NRP1: variants seen among roughly 807,000 people sequenced by gnomAD.
The protein encoded by NRP1 is neuropilin-1.
NRP1 carries 35 observed loss-of-function variants against 106.7 expected under a neutral mutation model. That is an observed-to-expected ratio of 0.33 (90% CI 0.25 to 0.43). The LOEUF (loss-of-function observed/expected upper bound fraction) is 0.43, where lower values mean the gene tolerates loss of function less well. Ranked by LOEUF, NRP1 falls within the 20% of genes least tolerant of loss-of-function variation. The probability of loss-of-function intolerance (pLI) is 1.00; values close to 1 mark genes in which losing one functional copy is unlikely to be tolerated. For synonymous variants in NRP1, 437 were observed against 417.9 expected (o/e 1.05, Z -0.56); for missense variants, 1,024 against 1,170.4 (o/e 0.87, Z 1.83).
In NRP1 at chr10:33,199,390, T is replaced by TATATATATATATATA. The variant is rs57198890; in HGVS notation, c.1865-1682_1865-1681insTATATATATATATAT. The stretch of plus-strand genomic sequence containing the variant: ...TTCTATATATATATATATATATATA[T>TATATATATATATATA]TTTTTTTTTTTTTTTTTTTTTTTTT... On this transcript the variant is annotated intron_variant, in intron 11 of 16. Transcript: ENST00000374867. Among the ~76,000 whole-genome samples the TATATATATATATATA allele has an allele frequency of 2.6e-4, 8 of 30,730 alleles. 1 individual carries two copies. Among genetic ancestry groups the TATATATATATATATA allele is most frequent in the East Asian group, 1.5e-3 (1 of 654 alleles). The allele number at this position is 30,730 out of a possible 152,430, so 20.2% of individuals were successfully genotyped here.
At chr10:33,271,000 G>C in intron 2 of NRP1, 144 bp from the exon 3 acceptor site, 1 of 585,194 alleles carries the variant, frequency 1.7e-6, no homozygotes. Context: ...TTAAATGGAG[G>C]GAAAAAAAAG....
chr10:33,306,778 T>C (rs1353199746), intron 2 of NRP1, among the ~76,000 whole-genome samples: 1 of 152,248 alleles, frequency 6.6e-6, no homozygotes, highest in East Asian at 1.9e-4. Flanking sequence ...CAGATGACTC[T>C]TTCCTTGCAG....
chr10:33,276,229 T>G (rs1444305876), intron 2 of NRP1, among the ~76,000 whole-genome samples: 2 of 152,172 alleles, frequency 1.3e-5, no homozygotes, highest in African/African-American at 2.4e-5. Context: ...AATAAACAAA[T>G]CAATACCTGT....
intron 10 of NRP1, chr10:33,205,572 T>C (rs1366587154): frequency 1.3e-5 from 2 of 152,340 alleles, no homozygotes; most frequent in Admixed American, 6.5e-5. Flanking sequence ...GGGCAGGTGC[T>C]CATTGGTCAG....
chr10:33,330,890 G>GA lies in NRP1; in HGVS notation c.74-9dup. 6.3e-7 allele frequency: 1 copy of GA among 1,594,228 alleles called. No homozygotes were observed. Among genetic ancestry groups the GA allele is most frequent in the Non-Finnish European group, 8.6e-7 (1 of 1,167,188 alleles). On this transcript the variant is annotated splice_polypyrimidine_tract_variant and intron_variant, in intron 1 of 16. Coordinates refer to ENST00000374867, the MANE Select transcript of NRP1 (RefSeq NM_003873.7). Reference sequence around the variant, plus strand: ...TAGTATCGCCACATTTATCTGCAATGAAAGTAAGATTTTAGCAGATCTTTC... The same window carrying GA: ...TAGTATCGCCACATTTATCTGCAATGAAAAGTAAGATTTTAGCAGATCTTTC...
intron 8 of NRP1, among the ~76,000 whole-genome samples, chr10:33,214,767 T>G (rs184372765): frequency 1.3e-5 from 2 of 152,302 alleles, no homozygotes; most frequent in East Asian, 3.9e-4. Context: ...TCAGTCAGAT[T>G]CGTAGAGACA....
chr10:33,215,059 G>A (rs1019051512), intron 8 of NRP1, among the ~76,000 whole-genome samples: 5 of 152,170 alleles, frequency 3.3e-5, no homozygotes, highest in African/African-American at 1.2e-4. Flanking sequence ...TTTTGAAAAT[G>A]TACCATGGTT....
chr10:33,207,615 G>A lies in NRP1; in HGVS notation c.1716C>T (p.Gly572=), dbSNP rs543705855. ...GCAGCTCCATTCTGAGCCCCAGTCCGCCATGAGTGGCTCTCTCGGGGTAGA... is the reference window on the plus strand; with the variant it reads ...GCAGCTCCATTCTGAGCCCCAGTCCACCATGAGTGGCTCTCTCGGGGTAGA... ...IRIYPERATH[G]GLGLRMELLG... Residue 572 remains glycine, a synonymous_variant, in exon 10 of 17, where the codon GGC becomes GGT. Transcript: ENST00000374867. The A allele has an allele frequency of 6.8e-6, 11 of 1,614,144 alleles. No homozygotes were observed. The highest frequency in any genetic ancestry group is 3.3e-5 in the South Asian group (3 of 91,066).
At chr10:33,278,455 G>C (rs928237043) in intron 2 of NRP1, among the ~76,000 whole-genome samples, 1 of 152,136 alleles carries the variant, frequency 6.6e-6, no homozygotes, top group East Asian at 1.9e-4. Context: ...AGTGGCTGCT[G>C]GATGTACTTA....
chr10:33,190,097 T>C (rs1836305019), intron 13 of NRP1, among the ~76,000 whole-genome samples: 1 of 152,244 alleles, frequency 6.6e-6, no homozygotes, highest in Non-Finnish European at 1.5e-5. Flanking sequence ...TCTCTGATAC[T>C]CTAACACATA....
At chr10:33,272,522 G>A (rs1843379994) in intron 2 of NRP1, among the ~76,000 whole-genome samples, 1 of 151,842 alleles carries the variant, frequency 6.6e-6, no homozygotes, top group Non-Finnish European at 1.5e-5. Flanking sequence ...GAGGAGGGGA[G>A]GCAAGGAGGA....
Position 33,322,403 on chromosome 10 carries a change from A to C in NRP1, c.248+8305T>G, listed in dbSNP as rs188309526. 6.8e-3 allele frequency among the ~76,000 whole-genome samples: 1,034 copies of C among 152,226 alleles called. 17 individuals are homozygous for C. The highest frequency in any genetic ancestry group is 6.6e-3 in the Non-Finnish European group (448 of 68,014). On this transcript the variant is annotated intron_variant, in intron 2 of 16. Coordinates refer to ENST00000374867, the MANE Select transcript of NRP1 (RefSeq NM_003873.7). The stretch of plus-strand genomic sequence containing the variant: ...TGTTTTTTTAAAAACTGAAGGATAG[A>C]GTCTCGCTCTATTGCCGAAGCTGGA...
chr10:33,222,089 G>A (rs997657103), intron 7 of NRP1, among the ~76,000 whole-genome samples: 2 of 151,896 alleles, frequency 1.3e-5, no homozygotes, highest in African/African-American at 4.8e-5. Flanking sequence ...AGAGGCTAGA[G>A]TCTTTAAAAG....
At chr10:33,260,565 A>T (rs1842503101) in intron 4 of NRP1, among the ~76,000 whole-genome samples, 1 of 152,114 alleles carries the variant, frequency 6.6e-6, no homozygotes, top group South Asian at 2.1e-4. Context: ...TTCAGGCCCC[A>T]TCATCCAGCA....
At chr10:33,245,812 GACCATA>G (rs1333049894) in intron 6 of NRP1, among the ~76,000 whole-genome samples, 1 of 152,114 alleles carries the variant, frequency 6.6e-6, no homozygotes, top group African/African-American at 2.4e-5. Flanking sequence ...TTCTTCTCTA[GACCATA>G]ACTATGAGTG....
chr10:33,317,768 TTCCAGAAAC>T (rs1408823031), intron 2 of NRP1, among the ~76,000 whole-genome samples: 2 of 152,216 alleles, frequency 1.3e-5, no homozygotes, highest in Admixed American at 1.3e-4. Context: ...CTATGAGGTT[TTCCAGAAAC>T]TCCATCCATC....
intron 6 of NRP1, among the ~76,000 whole-genome samples, chr10:33,235,650 C>T (rs1840496609): frequency 6.6e-6 from 1 of 152,202 alleles, no homozygotes; most frequent in Non-Finnish European, 1.5e-5. Flanking sequence ...CATTTACATT[C>T]CTCTCTTACT....
At chr10:33,308,763 A>G (rs1846354149) in intron 2 of NRP1, among the ~76,000 whole-genome samples, 1 of 152,196 alleles carries the variant, frequency 6.6e-6, no homozygotes, top group South Asian at 2.1e-4. Flanking sequence ...TGCTGGGATT[A>G]CAGGTGTGAG....
chr10:33,252,170 G>A (rs1564424659), intron 6 of NRP1, among the ~76,000 whole-genome samples: 2 of 152,218 alleles, frequency 1.3e-5, no homozygotes, highest in South Asian at 2.1e-4. Flanking sequence ...ACACCAACAG[G>A]CACAAGCACA....
Sources: gnomAD v4.1 joint callset for allele counts (sites outside exome capture counted in the v4.1 genomes callset) on GRCh38, gnomAD v4.1.1 for gene constraint, MANE v1.5 for transcripts, NCBI Gene and HGNC (gene_info 2026-07-23, HGNC 2026-07-21) for gene names.